The following ARRDC3 variants were observed in gnomAD, a reference collection of about 807,000 sequenced individuals.
The protein encoded by ARRDC3 is arrestin domain-containing protein 3.
A neutral mutation model predicts 47.2 loss-of-function variants in ARRDC3; 10 were observed. That is an observed-to-expected ratio of 0.21 (90% CI 0.13 to 0.36). ARRDC3 has a LOEUF of 0.36. Among genes scored for constraint, ARRDC3 ranks in the 10% least tolerant of loss-of-function variants. The pLI is 1.00. For synonymous variants in ARRDC3, 156 were observed against 178.3 expected (o/e 0.87, Z 1.00); for missense variants, 381 against 503.6 (o/e 0.76, Z 2.33).
rs1422446620 is a variant in ARRDC3, at chr5:91,376,689, G to A, written c.442C>T (p.Leu148=). 5 of 1,613,646 alleles carry A rather than the reference G, an allele frequency of 3.1e-6. No individual in the cohort carries two copies. Among genetic ancestry groups the A allele is most frequent in the Non-Finnish European group, 4.2e-6 (5 of 1,179,794 alleles). The change falls in exon 3 of 8, where the codon CTA becomes TTA. Residue 148 remains leucine, a synonymous_variant. Transcript: ENST00000265138. ...VKAELHRPWL[L]PVKLKKEFTV... is the part of the protein sequence containing the mutation. The stretch of plus-strand genomic sequence containing the variant: ...AATTCCTTCTTTAATTTTACTGGTA[G>A]TAGCCAAGGCCTGTGCAATTCGGCT...
chr5:91,379,236 ATG>A (rs990610169), intron 1 of ARRDC3, among the ~76,000 whole-genome samples: 1 of 146,918 alleles, frequency 6.8e-6, no homozygotes, highest in Non-Finnish European at 1.5e-5. Context: ...ATAATACCAG[ATG>A]TGAATAGAAT....
chr5:91,380,675 C>A (rs1269804382), intron 1 of ARRDC3: 1 of 152,260 alleles, frequency 6.6e-6, no homozygotes, highest in Non-Finnish European at 1.5e-5. Flanking sequence ...TCCCCTGACA[C>A]CTCCCACTCG....
Position 91,376,645 on chromosome 5 carries a change from T to G in ARRDC3, c.486A>C (p.Ile162=). Residue 162 remains isoleucine, a synonymous_variant, in exon 3 of 8, where the codon ATA becomes ATC. Transcript: ENST00000265138. ...LKKEFTVFEH[I]DINTPSLLSP... ...CCAGTAATGAAGGAGTGTTGATATC[T>G]ATATGCTCAAAGACTGTAAATTCCT... 1 of 1,612,008 alleles carries G rather than the reference T, an allele frequency of 6.2e-7. No homozygotes were observed. Among genetic ancestry groups the G allele is most frequent in the Non-Finnish European group, 8.5e-7 (1 of 1,178,258 alleles).
intron 2 of ARRDC3, 57 bp from the exon 3 acceptor site, chr5:91,376,825 CA>C: frequency 6.8e-7 from 1 of 1,481,006 alleles, no homozygotes; most frequent in Non-Finnish European, 9.2e-7. Context: ...AACAATTACA[CA>C]GTAGGTCAGA....
chr5:91,374,861 G>T, intron 5 of ARRDC3, 61 bp downstream of exon 5: 1 of 1,535,246 alleles, frequency 6.5e-7, no homozygotes, highest in South Asian at 1.2e-5. Flanking sequence ...ATTCCAGCCT[G>T]GGTGACAGGT....
rs917467283 is a variant in ARRDC3, at chr5:91,370,195, A to G, written c.*1205T>C. 1.3e-5 allele frequency: 2 copies of G among 152,540 alleles called. No homozygotes were observed. Among genetic ancestry groups the G allele is most frequent in the African/African-American group, 4.8e-5 (2 of 41,452 alleles). The allele number at this position is 152,540 out of a possible 1,614,324, so 9.4% of individuals were successfully genotyped here. The stretch of plus-strand genomic sequence containing the variant: ...TGCACCAGCAAAAGCGATTTCCAAC[A>G]TATGTGTTTTGGAGGTAATTAAGTA... On this transcript the variant is annotated 3_prime_UTR_variant, in exon 8 of 8. Coordinates refer to ENST00000265138, the MANE Select transcript of ARRDC3 (RefSeq NM_020801.4).
At chr5:91,373,565 A>G in intron 7 of ARRDC3, 119 bp downstream of exon 7, 1 of 1,058,856 alleles carries the variant, frequency 9.4e-7, no homozygotes, top group Non-Finnish European at 1.4e-6. Flanking sequence ...CTGTTGTTTT[A>G]AATTATTTGT....
chr5:91,381,840 C>T (rs1037188696), intron 1 of ARRDC3, among the ~76,000 whole-genome samples: 1 of 152,156 alleles, frequency 6.6e-6, no homozygotes, highest in Non-Finnish European at 1.5e-5. Context: ...CTGCTGAGAG[C>T]AGAACAAGCG....
intron 7 of ARRDC3, among the ~76,000 whole-genome samples, chr5:91,372,932 G>C (rs1799213371): frequency 6.6e-6 from 1 of 152,050 alleles, no homozygotes; most frequent in African/African-American, 2.4e-5. Context: ...TGAAATTACT[G>C]GACACCCCAC....
Position 91,370,761 on chromosome 5 carries a change from G to C in ARRDC3, c.*639C>G, listed in dbSNP as rs1435692956. 1 of 152,364 alleles carries C rather than the reference G, an allele frequency of 6.6e-6. No individual in the cohort carries two copies. Among genetic ancestry groups the C allele is most frequent in the African/African-American group, 2.4e-5 (1 of 41,368 alleles). The allele number at this position is 152,364 out of a possible 1,614,324, so 9.4% of individuals were successfully genotyped here. ...AGGCTGCAAAACATACAGCAAAAAG[G>C]ATTGGCTTGAAGGCATTTGATGTTT... On this transcript the variant is annotated 3_prime_UTR_variant, in exon 8 of 8. Transcript: ENST00000265138.
intron 6 of ARRDC3, 120 bp from the exon 7 acceptor site, chr5:91,373,958 CTA>C: frequency 6.8e-7 from 1 of 1,474,630 alleles, no homozygotes; most frequent in Non-Finnish European, 9.3e-7. Context: ...GTGATCAAAA[CTA>C]TGAAGACATA....
Position 91,369,753 on chromosome 5 carries a change from A to C in ARRDC3, c.*1647T>G, listed in dbSNP as rs1471461623. The C allele has an allele frequency of 2.6e-5, 4 of 152,076 alleles. No individual in the cohort carries two copies. Among genetic ancestry groups the C allele is most frequent in the African/African-American group, 9.7e-5 (4 of 41,434 alleles). 9.4% of individuals were successfully genotyped at this position (152,076 alleles called of 1,614,324 possible). On this transcript the variant is annotated 3_prime_UTR_variant, in exon 8 of 8. Coordinates refer to ENST00000265138, the MANE Select transcript of ARRDC3 (RefSeq NM_020801.4). ...AAACATCAGAGCTGAATTCCTTCTA[A>C]AATACAACAACAACAACAACAACAA... is the stretch of plus-strand genomic sequence containing the variant.
intron 2 of ARRDC3, among the ~76,000 whole-genome samples, chr5:91,378,036 T>A (rs1008477843): frequency 6.6e-6 from 1 of 152,092 alleles, no homozygotes; most frequent in Non-Finnish European, 1.5e-5. Context: ...GTTTGTATCA[T>A]CTCTTCCAAC....
Position 91,374,274 on chromosome 5 carries a change from T to C in ARRDC3, c.873A>G (p.Val291=), listed in dbSNP as rs149605403. The change falls in exon 6 of 8, where the codon GTA becomes GTG. Residue 291 remains valine (V), a splice_region_variant and synonymous_variant. Transcript: ENST00000265138. ...SIIRVEYSLM[V]YVDIPGAMDL... is the part of the protein sequence containing the mutation. ...CCATAGCTCCAGGAATATCCACATA[T>C]ACCTAAACATTGCAAAGAAATATTA... is the stretch of plus-strand genomic sequence containing the variant. The C allele has an allele frequency of 3.0e-5, 48 of 1,604,612 alleles. No individual in the cohort carries two copies. The highest frequency in any genetic ancestry group is 2.2e-5 in the East Asian group (1 of 44,760).
At chr5:91,375,205 C>G (rs751678550) in intron 4 of ARRDC3, 27 bp from the exon 5 acceptor site, 1 of 1,582,660 alleles carries the variant, frequency 6.3e-7, no homozygotes, top group Admixed American at 1.8e-5. Context: ...ATATACATAT[C>G]TACTGTTAGA....
chr5:91,374,324 C>T (rs1799249787), intron 5 of ARRDC3, 48 bp from the exon 6 acceptor site: 2 of 1,533,716 alleles, frequency 1.3e-6, no homozygotes, highest in Non-Finnish European at 8.9e-7. Context: ...AGTATGATTT[C>T]CTTTTCAAAA....
At chr5:91,375,436 A>C in intron 4 of ARRDC3, 75 bp downstream of exon 4, 1 of 1,006,292 alleles carries the variant, frequency 9.9e-7, no homozygotes, top group Non-Finnish European at 1.5e-6. Flanking sequence ...GTTTATATTT[A>C]GTAGTCATAT....
At chr5:91,379,603 GA>G (rs1228653937) in intron 1 of ARRDC3, among the ~76,000 whole-genome samples, 5 of 151,952 alleles carry the variant, frequency 3.3e-5, no homozygotes, top group African/African-American at 1.2e-4. Context: ...TTTTTTTGGT[GA>G]AATTATTTTT....
rs147788981 is a variant in ARRDC3 at position 91,378,745 on chromosome 5, G to C, written c.311C>G (p.Thr104Ser). The C allele has an allele frequency of 6.3e-7, 1 of 1,599,458 alleles. No individual in the cohort carries two copies. Among genetic ancestry groups the C allele is most frequent in the Non-Finnish European group, 8.5e-7 (1 of 1,174,612 alleles). The change falls in exon 2 of 8, where the codon ACT (threonine) becomes AGT (serine). Residue 104 changes from threonine to serine, a missense_variant. Physicochemically the swap from Thr to Ser is moderately conservative, Grantham distance 58. Transcript: ENST00000265138. ...ATATTCATGCCTTCCTGAATGAATA[G>C]TGTGGAAGCCTTCTTCGGAATTATC... is the stretch of plus-strand genomic sequence containing the variant. ...DDDNSEEGFH[T>S]IHSGRHEYAF... is the part of the protein sequence containing the mutation.
Sources: gnomAD v4.1 joint callset for allele counts (sites outside exome capture counted in the v4.1 genomes callset) on GRCh38, gnomAD v4.1.1 for gene constraint, MANE v1.5 for transcripts, NCBI Gene and HGNC (gene_info 2026-07-23, HGNC 2026-07-21) for gene names.